The following RBFOX1 variants were observed in gnomAD, a reference collection of about 807,000 sequenced individuals.
RBFOX1 encodes the protein RNA binding protein fox-1 homolog 1.
A neutral mutation model predicts 57.7 loss-of-function variants in RBFOX1; 8 were observed. The ratio of observed to expected loss-of-function variants is 0.14; its 90% CI spans 0.08 to 0.25. RBFOX1 has a LOEUF of 0.25. Among genes scored for constraint, RBFOX1 ranks in the 10% least tolerant of loss-of-function variants. RBFOX1 has a pLI of 1.00. For missense variants in RBFOX1, 611 were observed against 548.5 expected (o/e 1.11, Z -1.14); for synonymous variants, 326 against 222.4 (o/e 1.47, Z -4.15).
At chr16:5,977,957 C>G (rs982957257) in intron 4 of RBFOX1, among the ~76,000 whole-genome samples, 6 of 151,828 alleles carry the variant, frequency 4.0e-5, no homozygotes, top group African/African-American at 1.5e-4. Flanking sequence ...CATTGCCATG[C>G]TGGCTTCAAT....
chr16:6,837,115 C>A (rs933242416), intron 3 of RBFOX1, among the ~76,000 whole-genome samples: 15 of 152,156 alleles, frequency 9.9e-5, no homozygotes, highest in African/African-American at 3.1e-4. Flanking sequence ...CTGAGAGTTC[C>A]CTTGTTTGCA....
At chr16:5,732,155 C>T (rs2052396812) in intron 3 of RBFOX1, among the ~76,000 whole-genome samples, 1 of 152,142 alleles carries the variant, frequency 6.6e-6, no homozygotes, top group Admixed American at 6.5e-5. Context: ...GGCATTTCAG[C>T]ATTTGATAGG....
intron 2 of RBFOX1, among the ~76,000 whole-genome samples, chr16:6,319,378 C>A (rs894745321): frequency 2.6e-5 from 4 of 152,056 alleles, no homozygotes; most frequent in Non-Finnish European, 4.4e-5. Flanking sequence ...AGTATATTAC[C>A]CCTCATGATA....
intron 2 of RBFOX1, among the ~76,000 whole-genome samples, chr16:5,527,100 A>G (rs2044278103): frequency 6.6e-6 from 1 of 152,194 alleles, no homozygotes; most frequent in African/African-American, 2.4e-5. Flanking sequence ...ACCAGTCTGG[A>G]AAGAATTAGG....
At chr16:6,724,382 A>G (rs577383081) in intron 3 of RBFOX1, among the ~76,000 whole-genome samples, 4 of 151,844 alleles carry the variant, frequency 2.6e-5, no homozygotes, top group East Asian at 3.9e-4. Context: ...GCAAATTTTT[A>G]TATTTTTAGT....
intron 2 of RBFOX1, among the ~76,000 whole-genome samples, chr16:6,588,132 G>A (rs1215210274): frequency 1.3e-5 from 2 of 152,024 alleles, no homozygotes; most frequent in Non-Finnish European, 2.9e-5. Flanking sequence ...TCGGGAGGCT[G>A]AGGCAGGAGA....
chr16:7,614,198 C>T (rs374931611), intron 10 of RBFOX1: 3 of 152,208 alleles, frequency 2.0e-5, no homozygotes, highest in African/African-American at 7.2e-5. Context: ...AAATGCAGTG[C>T]ACTTCAGTGA....
chr16:5,614,652 C>T (rs1021219414), intron 3 of RBFOX1, among the ~76,000 whole-genome samples: 1 of 152,160 alleles, frequency 6.6e-6, no homozygotes, highest in African/African-American at 2.4e-5. Flanking sequence ...GAAACACTTT[C>T]ATTTTCCAGT....
intron 4 of RBFOX1, among the ~76,000 whole-genome samples, chr16:7,466,499 G>A (rs1487751109): frequency 1.3e-5 from 2 of 152,124 alleles, no homozygotes; most frequent in Non-Finnish European, 2.9e-5. Flanking sequence ...GGTGGTTAAT[G>A]GAGCCCAGAT....
chr16:6,278,511 G>C (rs1170298876), intron 1 of RBFOX1, among the ~76,000 whole-genome samples: 1 of 150,784 alleles, frequency 6.6e-6, no homozygotes, highest in Non-Finnish European at 1.5e-5. Flanking sequence ...TTCAGAATTG[G>C]TGAATCTAAG....
chr16:5,244,707 C>T (rs1284411880), intron 1 of RBFOX1, among the ~76,000 whole-genome samples: 1 of 152,236 alleles, frequency 6.6e-6, no homozygotes, highest in Non-Finnish European at 1.5e-5. Flanking sequence ...CTGAGGAATG[C>T]AGTGCGTAAG....
At chr16:5,328,628 T>C (rs994157192) in intron 1 of RBFOX1, among the ~76,000 whole-genome samples, 2 of 152,228 alleles carry the variant, frequency 1.3e-5, no homozygotes, top group African/African-American at 4.8e-5. Context: ...CCCATGCCTG[T>C]CTGCACGTGG....
intron 3 of RBFOX1, among the ~76,000 whole-genome samples, chr16:6,971,329 C>T (rs879837293): frequency 3.3e-5 from 5 of 152,098 alleles, no homozygotes; most frequent in Admixed American, 6.6e-5. Context: ...CAGAAACATC[C>T]ATGGAAGAGC....
At chr16:5,389,960 A>T (rs777734358) in intron 1 of RBFOX1, among the ~76,000 whole-genome samples, 1 of 152,110 alleles carries the variant, frequency 6.6e-6, no homozygotes, top group Non-Finnish European at 1.5e-5. Context: ...CCGCCTCCCA[A>T]AGTGCTGGGA....
intron 4 of RBFOX1, among the ~76,000 whole-genome samples, chr16:7,299,218 G>C (rs908811629): frequency 1.3e-5 from 2 of 152,132 alleles, no homozygotes; most frequent in South Asian, 2.1e-4. Flanking sequence ...ATTATTGATA[G>C]GCATTTTATT....
intron 2 of RBFOX1, among the ~76,000 whole-genome samples, chr16:5,532,371 G>T (rs1274990552): frequency 6.6e-6 from 1 of 152,182 alleles, no homozygotes; most frequent in Non-Finnish European, 1.5e-5. Context: ...TTGGCTCAAT[G>T]TGTAGAATAC....
At chr16:6,864,983 G>GTTTT (rs201161627) in intron 3 of RBFOX1, among the ~76,000 whole-genome samples, 5 of 121,028 alleles carry the variant, frequency 4.1e-5, no homozygotes, top group African/African-American at 1.8e-4. Flanking sequence ...GTTGGAGTGG[G>GTTTT]TTTTTCTTTT....
At chr16:6,148,889 C>G (rs1408804934) in intron 1 of RBFOX1, among the ~76,000 whole-genome samples, 1 of 152,042 alleles carries the variant, frequency 6.6e-6, no homozygotes, top group Non-Finnish European at 1.5e-5. Flanking sequence ...TATTTCCACC[C>G]CCCTCCCTGC....
intron 1 of RBFOX1, among the ~76,000 whole-genome samples, chr16:5,447,382 C>A (rs939090651): frequency 1.4e-5 from 2 of 146,708 alleles, no homozygotes; most frequent in Non-Finnish European, 3.0e-5. Context: ...CAATCAATCT[C>A]TCTCTCTCTC....
Sources: gnomAD v4.1 joint callset for allele counts (sites outside exome capture counted in the v4.1 genomes callset) on GRCh38, gnomAD v4.1.1 for gene constraint, MANE v1.5 for transcripts, NCBI Gene and HGNC (gene_info 2026-07-23, HGNC 2026-07-21) for gene names.